Variants in GOSR2 observed in about 807,000 individuals in gnomAD.
The protein encoded by GOSR2 is golgi SNAP receptor complex member 2, also known as 27 kDa Golgi SNARE protein.
GOSR2 carries 20 observed loss-of-function variants against 27.9 expected under a neutral mutation model. The ratio of observed to expected loss-of-function variants is 0.72; its 90% CI spans 0.50 to 1.04. GOSR2 has a LOEUF of 1.04. Ranked by LOEUF, GOSR2 falls within the 50% of genes least tolerant of loss-of-function variation. The pLI is 0.00. For missense variants in GOSR2, 261 were observed against 270.5 expected (o/e 0.97, Z 0.25); for synonymous variants, 91 against 98.8 (o/e 0.92, Z 0.47).
At chr17:46,963,245 G>A (rs889151148) in intron 6 of GOSR2, among the ~76,000 whole-genome samples, 1 of 152,222 alleles carries the variant, frequency 6.6e-6, no homozygotes, top group Non-Finnish European at 1.5e-5. Flanking sequence ...AAGATGATCA[G>A]TTAAGTAGGC....
intron 1 of GOSR2, among the ~76,000 whole-genome samples, 199 bp from the exon 2 acceptor site, chr17:46,929,321 A>G (rs951709192): frequency 6.6e-6 from 1 of 152,320 alleles, no homozygotes; most frequent in South Asian, 2.1e-4. Flanking sequence ...TAATCTGCCT[A>G]TCAGTGTTAT....
intron 6 of GOSR2, among the ~76,000 whole-genome samples, chr17:46,959,856 C>T (rs1394118474): frequency 6.6e-6 from 1 of 152,214 alleles, no homozygotes; most frequent in Non-Finnish European, 1.5e-5. Context: ...AGCTGACTTT[C>T]TTCCCTCTCC....
At position 46,930,047 on chromosome 17, in the gene GOSR2, A is replaced by AT. The variant is rs35194907; in HGVS notation, c.94+479dup. On this transcript the variant is annotated intron_variant, in intron 2 of 5. Coordinates refer to ENST00000640051, the MANE Select transcript of GOSR2 (RefSeq NM_004287.5). Reference sequence around the variant, plus strand: ...GCATGCTGGTTTTTTGTTTTTTTTCATTTTTTTTTTTTTTTTCTATTCTGA... The same window carrying AT: ...GCATGCTGGTTTTTTGTTTTTTTTCATTTTTTTTTTTTTTTTTCTATTCTGA... 4.2e-3 allele frequency: 515 copies of AT among 124,088 alleles called. 4 individuals are homozygous for AT. The highest frequency in any genetic ancestry group is 0.023 in the South Asian group (92 of 3,948). The allele number at this position is 124,088 out of a possible 1,614,324, so 7.7% of individuals were successfully genotyped here.
rs16941285 is a variant in GOSR2 at position 46,929,737 on chromosome 17, T to G, written c.94+153T>G. ...TGGACAGAAAAACCCTATGGCAAAG[T>G]CACTGATTTCCCTGAGTGTGCCCTT... On this transcript the variant is annotated intron_variant, in intron 2 of 5. Transcript: ENST00000640051. The G allele has an allele frequency of 4.9e-3, 3,068 of 630,684 alleles. 66 individuals carry two copies. The African/African-American group carries it at 0.051, about 10-fold the overall frequency. The allele number at this position is 630,684 out of a possible 1,614,324, so 39.1% of individuals were successfully genotyped here.
rs1131691533 is a variant in GOSR2 at position 46,923,200 on chromosome 17, C to A, written c.8C>A (p.Pro3His). Residue 3 changes from proline (P) to histidine (H), a missense_variant, in exon 1 of 6, where the codon CCC (proline) becomes CAC (histidine). Coordinates refer to ENST00000640051, the MANE Select transcript of GOSR2 (RefSeq NM_004287.5). MDPLFQQTHKQVH... is the reference protein window; with the variant it reads MDHLFQQTHKQVH... ...GCCTGCGGGGCCGGCGACATGGATC[C>A]CCTGTTCCAGCAAACGCACAAGTGA... 1 of 1,548,328 alleles carries A rather than the reference C, an allele frequency of 6.5e-7. No individual in the cohort carries two copies. The highest frequency in any genetic ancestry group is 8.7e-7 in the Non-Finnish European group (1 of 1,144,068).
At chr17:46,972,012 G>A (rs549241032) in intron 6 of GOSR2, among the ~76,000 whole-genome samples, 26 of 152,292 alleles carry the variant, frequency 1.7e-4, no homozygotes, top group Admixed American at 3.9e-4. Flanking sequence ...CACAGGGCAC[G>A]TGGGGGAGAG....
downstream of GOSR2, among the ~76,000 whole-genome samples, chr17:46,944,096 C>T (rs150854255): frequency 2.0e-3 from 312 of 152,314 alleles, 2 homozygotes; most frequent in Middle Eastern, 6.8e-3. Flanking sequence ...GGGCCAGGCC[C>T]AGGAGGGAAG....
intron 1 of GOSR2, chr17:46,924,523 A>T (rs2086200450): frequency 6.6e-6 from 1 of 152,224 alleles, no homozygotes; most frequent in Non-Finnish European, 1.5e-5. Flanking sequence ...TTTGTTGATT[A>T]AAACACTTAA....
chr17:46,955,042 C>T (rs530976860), intron 6 of GOSR2, among the ~76,000 whole-genome samples: 3 of 152,318 alleles, frequency 2.0e-5, no homozygotes, highest in East Asian at 1.9e-4. Flanking sequence ...GCCAGAACTT[C>T]CAACACTATG....
intron 6 of GOSR2, among the ~76,000 whole-genome samples, chr17:46,953,671 A>G (rs919658994): frequency 4.6e-5 from 7 of 152,200 alleles, no homozygotes; most frequent in Admixed American, 4.6e-4. Context: ...CCAACAGTGT[A>G]AAAGTGTTCC....
intron 2 of GOSR2, 118 bp downstream of exon 2, chr17:46,929,702 G>A (rs1329062535): frequency 7.2e-6 from 5 of 691,416 alleles, no homozygotes; most frequent in Middle Eastern, 3.6e-4. Context: ...AATGAGTTTT[G>A]TTGTTAGGGT....
At chr17:46,933,823 G>A (rs746012509) in intron 4 of GOSR2, among the ~76,000 whole-genome samples, 34 of 151,878 alleles carry the variant, frequency 2.2e-4, no homozygotes, top group African/African-American at 8.0e-4. Context: ...AATTAGCCGG[G>A]CGTGGTGGCG....
chr17:46,948,571 G>T (rs568470745), intron 6 of GOSR2: 123 of 152,374 alleles, frequency 8.1e-4, no homozygotes, highest in African/African-American at 2.8e-3. Flanking sequence ...CCCAGCCTCA[G>T]TGTCCTCGTA....
chr17:46,923,766 T>A (rs756658384), intron 1 of GOSR2: 16 of 416,306 alleles, frequency 3.8e-5, no homozygotes, highest in Non-Finnish European at 5.8e-5. Flanking sequence ...AGGTTATCGC[T>A]AAGAAAATCA....
chr17:46,966,555 C>T, exon 7 of GOSR2: 2 of 696,000 alleles, frequency 2.9e-6, no homozygotes, highest in Non-Finnish European at 5.2e-6. Context: ...CACCATGTTG[C>T]CCAGAATGGA....
intron 6 of GOSR2, among the ~76,000 whole-genome samples, chr17:46,951,234 C>T (rs77581160): frequency 6.6e-6 from 1 of 152,192 alleles, no homozygotes; most frequent in Non-Finnish European, 1.5e-5. Context: ...TTGGCTGGAA[C>T]GGCGGGTTCC....
chr17:46,944,812 C>T (rs1248213205), downstream of GOSR2, among the ~76,000 whole-genome samples: 1 of 152,064 alleles, frequency 6.6e-6, no homozygotes, highest in Non-Finnish European at 1.5e-5. Flanking sequence ...GTTGGGCAGG[C>T]TGGTCTCGAA....
At chr17:46,947,013 G>A (rs1040122857), downstream of GOSR2, among the ~76,000 whole-genome samples, 3 of 152,210 alleles carry the variant, frequency 2.0e-5, no homozygotes, top group South Asian at 2.1e-4. Flanking sequence ...ACGGGGGCCA[G>A]ATTCACAGGG....
intron 1 of GOSR2, among the ~76,000 whole-genome samples, chr17:46,927,444 T>G (rs900299041): frequency 2.0e-5 from 3 of 152,198 alleles, no homozygotes; most frequent in African/African-American, 7.2e-5. Context: ...TTGGATTTTG[T>G]CTTATTTAAG....
Sources: allele counts gnomAD v4.1 joint callset (sites outside exome capture counted in the v4.1 genomes callset), GRCh38; gene constraint gnomAD v4.1.1; transcripts MANE v1.5; gene names NCBI Gene and HGNC (gene_info 2026-07-23, HGNC 2026-07-21).